TICRR: variants seen among roughly 807,000 people sequenced by gnomAD.
TICRR encodes the protein TOPBP1 interacting checkpoint and replication regulator.
Under a neutral mutation model 178.1 loss-of-function variants are expected in TICRR, and 132 were observed. That is an observed-to-expected ratio of 0.74 (90% CI 0.64 to 0.86). The LOEUF (loss-of-function observed/expected upper bound fraction) is 0.86. TICRR is among the 40% of genes least tolerant of loss of function. The pLI, the probability that TICRR is intolerant of heterozygous loss-of-function variation, is 0.00. For missense variants in TICRR, 2,587 were observed against 2,334.3 expected (o/e 1.11, Z -2.23); for synonymous variants, 991 against 900.7 (o/e 1.10, Z -1.79).
chr15:89,624,585 G>C lies in TICRR; in HGVS notation c.4275G>C (p.Lys1425Asn). The change falls in exon 20 of 22, where the codon AAG (lysine) becomes AAC (asparagine). Residue 1425 changes from lysine to asparagine, a missense_variant. Coordinates refer to ENST00000268138, the MANE Select transcript of TICRR (RefSeq NM_152259.4). Reference protein sequence around the residue: ...AAPTDSRDDQKGLSLSPQSPP... With the variant: ...AAPTDSRDDQNGLSLSPQSPP... ...CCACAGACTCTAGAGATGACCAGAA[G>C]GGACTGAGCCTCTCTCCTCAGTCTC... The C allele has an allele frequency of 6.2e-7, 1 of 1,613,936 alleles. No homozygotes were observed. The highest frequency in any genetic ancestry group is 8.5e-7 in the Non-Finnish European group (1 of 1,180,006).
chr15:89,611,094 A>C (rs1442118408), intron 15 of TICRR, among the ~76,000 whole-genome samples: 4 of 151,634 alleles, frequency 2.6e-5, no homozygotes, highest in African/African-American at 4.8e-5. Flanking sequence ...TTTTATATTT[A>C]TCTGTCTAGT....
In TICRR at chr15:89,592,134, G is replaced by C. The variant is rs1470228993; in HGVS notation, c.1499G>C (p.Cys500Ser). 6.2e-7 allele frequency: 1 copy of C among 1,613,062 alleles called. No homozygotes were observed. The highest frequency in any genetic ancestry group is 8.5e-7 in the Non-Finnish European group (1 of 1,179,102). The change falls in exon 5 of 22, where the codon TGT becomes TCT. Residue 500 changes from cysteine to serine, a missense_variant. Cys to Ser is a moderately radical substitution (Grantham distance 112, BLOSUM62 -1). Coordinates refer to ENST00000268138, the MANE Select transcript of TICRR (RefSeq NM_152259.4). ...PAVVEKWFPF[C>S]NISGASSDLM... is the part of the protein sequence containing the mutation. Reference sequence around the variant, plus strand: ...GTTGTGGAAAAGTGGTTTCCTTTCTGTAACATCAGTGGTGCCAGTTCCGAT... The same window carrying C: ...GTTGTGGAAAAGTGGTTTCCTTTCTCTAACATCAGTGGTGCCAGTTCCGAT...
At chr15:89,593,605 C>G (rs1461336722) in intron 5 of TICRR, among the ~76,000 whole-genome samples, 1 of 152,168 alleles carries the variant, frequency 6.6e-6, no homozygotes, top group African/African-American at 2.4e-5. Context: ...ACTTGGGAGG[C>G]TGAGGCACAA....
intron 9 of TICRR, among the ~76,000 whole-genome samples, chr15:89,600,948 A>T (rs768964541): frequency 6.6e-6 from 1 of 150,570 alleles, no homozygotes; most frequent in East Asian, 2.0e-4. Flanking sequence ...TGGGATGCTG[A>T]AGCTGGAGGA....
chr15:89,586,652 G>A (rs1962828681), intron 4 of TICRR, among the ~76,000 whole-genome samples: 1 of 152,192 alleles, frequency 6.6e-6, no homozygotes, highest in Non-Finnish European at 1.5e-5. Flanking sequence ...GGTGGTCAGG[G>A]AAGGCCTTGC....
Position 89,625,426 on chromosome 15 carries a change from G to T in TICRR, c.5116G>T (p.Gly1706Cys). 6.2e-7 allele frequency: 1 copy of T among 1,613,974 alleles called. No individual in the cohort carries two copies. The highest frequency in any genetic ancestry group is 1.3e-5 in the African/African-American group (1 of 75,026). The change falls in exon 20 of 22, where the codon GGT becomes TGT. Residue 1706 changes from glycine (G) to cysteine (C), a missense_variant. Gly to Cys is a radical substitution (Grantham distance 159). Transcript: ENST00000268138. ...AGSSSGRGEV[G>C]ADLPGSLSLL... ...CTCCTCTTCCGGGAGGGGCGAGGTC[G>T]GTGCAGACCTTCCTGGGAGCCTGTC... is the stretch of plus-strand genomic sequence containing the variant.
In TICRR at chr15:89,575,637, C is replaced by A; in HGVS notation, c.51C>A (p.Ala17=). 1 of 1,552,312 alleles carries A rather than the reference C, an allele frequency of 6.4e-7. No homozygotes were observed. The highest frequency in any genetic ancestry group is 8.7e-7 in the Non-Finnish European group (1 of 1,153,596). Residue 17 remains alanine (A), a synonymous_variant, in exon 1 of 22, where the codon GCC becomes GCA. Coordinates refer to ENST00000268138, the MANE Select transcript of TICRR (RefSeq NM_152259.4). ...VMLLLDTAGG[A]ARHSRVRRAA... ...TGCTGCTGGACACCGCGGGCGGCGC[C>A]GCCCGCCACAGCCGGGTCCGGCGGG...
At chr15:89,594,331 G>A in intron 5 of TICRR, 84 bp from the exon 6 acceptor site, 2 of 1,250,892 alleles carry the variant, frequency 1.6e-6, no homozygotes, top group South Asian at 1.7e-5. Flanking sequence ...GCTTTTTAGA[G>A]GATAGTGGGT....
chr15:89,595,531 G>A lies in TICRR; in HGVS notation c.1820G>A (p.Gly607Glu). The change falls in exon 7 of 22, where the codon GGA becomes GAA. Residue 607 changes from glycine (G) to glutamate (E), a missense_variant. Physicochemically the swap from Gly to Glu is moderately conservative, Grantham distance 98. Coordinates refer to ENST00000268138, the MANE Select transcript of TICRR (RefSeq NM_152259.4). ...DGSPDVAGEK[G>E]IQKIPSGRTV... ...AGTCCGGATGTGGCTGGGGAGAAAG[G>A]AATCCAAAAGATACCTAGTGGGAGA... 1 of 1,614,168 alleles carries A rather than the reference G, an allele frequency of 6.2e-7. No individual in the cohort carries two copies. Among genetic ancestry groups the A allele is most frequent in the Non-Finnish European group, 8.5e-7 (1 of 1,180,024 alleles).
chr15:89,575,923 T>C lies in TICRR; in HGVS notation c.337T>C (p.Trp113Arg), dbSNP rs778853022. The change falls in exon 1 of 22, where the codon TGG becomes CGG. Residue 113 changes from tryptophan to arginine, a missense_variant. Physicochemically the swap from Trp to Arg is moderately radical, Grantham distance 101 (BLOSUM62 -3). Coordinates refer to ENST00000268138, the MANE Select transcript of TICRR (RefSeq NM_152259.4). Reference sequence around the variant, plus strand: ...GATGGAGACGCTGCTAGACTACCAGTGGGACCGGCCCGAGATCACGTCGCC... The same window carrying C: ...GATGGAGACGCTGCTAGACTACCAGCGGGACCGGCCCGAGATCACGTCGCC... ...ALMETLLDYQ[W>R]DRPEITSPTK... 1 of 1,593,820 alleles carries C rather than the reference T, an allele frequency of 6.3e-7. No homozygotes were observed. Among genetic ancestry groups the C allele is most frequent in the Non-Finnish European group, 8.5e-7 (1 of 1,172,242 alleles).
rs1438768173 is a variant in TICRR at position 89,605,936 on chromosome 15, TAAAG to T, written c.2665-828_2665-825del. ...TAATAGCAAGTACATAGCAGTCTGATAAAGAAATGTTTCTGAGAGTATAGCCTCC... is the reference window on the plus strand; with the variant it reads ...TAATAGCAAGTACATAGCAGTCTGATAAATGTTTCTGAGAGTATAGCCTCC... On this transcript the variant is annotated intron_variant, in intron 13 of 21. Transcript: ENST00000268138. 4.6e-5 allele frequency among the ~76,000 whole-genome samples: 7 copies of T among 152,334 alleles called. No homozygotes were observed. In the South Asian group the frequency reaches 1.0e-3, roughly 23 times the overall value.
At chr15:89,616,659 T>C (rs1963341145) in intron 16 of TICRR, among the ~76,000 whole-genome samples, 164 bp downstream of exon 16, 1 of 152,218 alleles carries the variant, frequency 6.6e-6, no homozygotes, top group African/African-American at 2.4e-5. Context: ...AGGAGAACCA[T>C]ATAAAATATA....
intron 4 of TICRR, among the ~76,000 whole-genome samples, chr15:89,590,720 C>T (rs144343300): frequency 6.6e-6 from 1 of 152,356 alleles, no homozygotes; most frequent in Non-Finnish European, 1.5e-5. Flanking sequence ...TCCATGACTT[C>T]ACAAGAGTGG....
chr15:89,589,896 G>A (rs1049281553), intron 4 of TICRR, among the ~76,000 whole-genome samples: 5 of 152,038 alleles, frequency 3.3e-5, no homozygotes, highest in African/African-American at 7.3e-5. Context: ...CAGGAAGATC[G>A]CTTGAGCCCA....
chr15:89,626,829 GA>G, intron 21 of TICRR, 126 bp from the exon 22 acceptor site: 1 of 1,024,112 alleles, frequency 9.8e-7, no homozygotes, highest in Non-Finnish European at 1.4e-6. Flanking sequence ...TAGGATAAGC[GA>G]ACCTCCAAGC....
Position 89,585,775 on chromosome 15 carries a change from G to T in TICRR, c.1244G>T (p.Ser415Ile). The T allele has an allele frequency of 3.1e-6, 5 of 1,614,190 alleles. No individual in the cohort carries two copies. Among genetic ancestry groups the T allele is most frequent in the Non-Finnish European group, 4.2e-6 (5 of 1,180,034 alleles). The change falls in exon 4 of 22, where the codon AGT becomes ATT. Residue 415 changes from serine (S) to isoleucine (I), a missense_variant. Physicochemically the swap from Ser to Ile is moderately radical, Grantham distance 142. Coordinates refer to ENST00000268138, the MANE Select transcript of TICRR (RefSeq NM_152259.4). Reference protein sequence around the residue: ...ITGVISPLSASAMILTVCRTK... With the variant: ...ITGVISPLSAIAMILTVCRTK... ...GGAGTTATTTCCCCACTCTCTGCCA[G>T]TGCTATGATCCTCACTGTGTGCCGC...
At chr15:89,605,186 C>T (rs1555421245) in intron 13 of TICRR, among the ~76,000 whole-genome samples, 1 of 152,172 alleles carries the variant, frequency 6.6e-6, no homozygotes, top group Admixed American at 6.5e-5. Flanking sequence ...GCAGGCCATA[C>T]GTCTCTGCAA....
At chr15:89,582,613 C>T (rs1962747656) in intron 1 of TICRR, 73 bp from the exon 2 acceptor site, 1 of 1,399,860 alleles carries the variant, frequency 7.1e-7, no homozygotes, top group Admixed American at 2.0e-5. Context: ...TTTACTTTCT[C>T]CTGATTTCCT....
intron 1 of TICRR, chr15:89,582,336 A>G (rs1962741532): frequency 6.1e-6 from 1 of 163,342 alleles, no homozygotes; most frequent in African/African-American, 2.4e-5. Flanking sequence ...AAAAAAAAAA[A>G]AAAAGGTTAT....
Sources: gnomAD v4.1 joint callset for allele counts (sites outside exome capture counted in the v4.1 genomes callset) on GRCh38, gnomAD v4.1.1 for gene constraint, MANE v1.5 for transcripts, NCBI Gene and HGNC (gene_info 2026-07-23, HGNC 2026-07-21) for gene names.